SAMMSON: variants seen among roughly 807,000 people sequenced by gnomAD.
SAMMSON encodes the protein survival associated mitochondrial melanoma specific oncogenic non-coding RNA, also known as long intergenic non-protein coding RNA 1212.
intron 4 of SAMMSON, among the ~76,000 whole-genome samples, chr3:70,134,562 A>G (rs1285243254): frequency 6.6e-6 from 1 of 152,282 alleles, no homozygotes; most frequent in African/African-American, 2.4e-5. Flanking sequence ...CTTAACTTGC[A>G]TGCTTTACAT....
chr3:70,153,719 A>C (rs1005026737), intron 4 of SAMMSON, among the ~76,000 whole-genome samples: 1 of 152,014 alleles, frequency 6.6e-6, no homozygotes, highest in Non-Finnish European at 1.5e-5. Flanking sequence ...TCATAATATA[A>C]AGCATACCGT....
intron 4 of SAMMSON, among the ~76,000 whole-genome samples, chr3:70,139,191 C>T (rs982837524): frequency 1.3e-5 from 2 of 152,004 alleles, no homozygotes; most frequent in Non-Finnish European, 2.9e-5. Context: ...CACATGACAC[C>T]ACACCCAGAT....
intron 4 of SAMMSON, among the ~76,000 whole-genome samples, chr3:70,163,877 A>C (rs1352546173): frequency 2.6e-5 from 4 of 152,082 alleles, no homozygotes; most frequent in Non-Finnish European, 5.9e-5. Context: ...CACTAGGTTT[A>C]CTTGTGAATG....
chr3:70,308,037 A>C (rs1702419696), intron 7 of SAMMSON, among the ~76,000 whole-genome samples: 1 of 152,036 alleles, frequency 6.6e-6, no homozygotes, highest in South Asian at 2.1e-4. Context: ...AATGCAGCTC[A>C]TCCTGCCTGG....
chr3:70,311,723 C>G (rs1001873945), intron 7 of SAMMSON, among the ~76,000 whole-genome samples: 1 of 151,798 alleles, frequency 6.6e-6, no homozygotes, highest in Admixed American at 6.6e-5. Context: ...CAAACAACCA[C>G]TTAGGCCACA....
At chr3:70,395,317 TTCTC>T (rs1262870405) in intron 2 of SAMMSON, among the ~76,000 whole-genome samples, 26 of 144,726 alleles carry the variant, frequency 1.8e-4, no homozygotes, top group African/African-American at 4.1e-4. Flanking sequence ...TCTCCTCTCC[TTCTC>T]TCTCTCTCTC....
At chr3:70,039,017 T>G (rs1246911957) in intron 3 of SAMMSON, among the ~76,000 whole-genome samples, 1 of 152,088 alleles carries the variant, frequency 6.6e-6, no homozygotes, top group Non-Finnish European at 1.5e-5. Flanking sequence ...TTATATGTGA[T>G]TTTTGAGCAA....
intron 9 of SAMMSON, among the ~76,000 whole-genome samples, chr3:70,363,795 A>G (rs933045225): frequency 2.6e-4 from 22 of 84,010 alleles, no homozygotes; most frequent in African/African-American, 3.8e-4. Context: ...GTGTTATTGC[A>G]TTGTCTGTGT....
At chr3:70,184,800 C>G (rs1209827992) in intron 4 of SAMMSON, among the ~76,000 whole-genome samples, 5 of 152,134 alleles carry the variant, frequency 3.3e-5, no homozygotes, top group Non-Finnish European at 5.9e-5. Flanking sequence ...AATCCTGAAA[C>G]AGAAGGCAAA....
At chr3:70,206,731 T>G (rs1429165296) in intron 4 of SAMMSON, 7 of 397,758 alleles carry the variant, frequency 1.8e-5, no homozygotes, top group Non-Finnish European at 3.1e-5. Context: ...GATACTGAAT[T>G]TATAACAATA....
chr3:70,189,365 T>G (rs574190638), intron 4 of SAMMSON, among the ~76,000 whole-genome samples: 5 of 152,322 alleles, frequency 3.3e-5, no homozygotes, highest in African/African-American at 1.2e-4. Context: ...ATATATACAC[T>G]AAGTTCTAAG....
At chr3:70,390,656 A>T (rs2097469148), downstream of SAMMSON, among the ~76,000 whole-genome samples, 1 of 152,100 alleles carries the variant, frequency 6.6e-6, no homozygotes, top group Non-Finnish European at 1.5e-5. Flanking sequence ...TGAGGGATCC[A>T]TCCCCATGAC....
chr3:70,278,539 ACT>A (rs1331052042), intron 6 of SAMMSON, among the ~76,000 whole-genome samples: 8 of 152,154 alleles, frequency 5.3e-5, no homozygotes, highest in Admixed American at 5.2e-4. Flanking sequence ...GAGTTCAGTC[ACT>A]CTGTGCTGTT....
intron 2 of SAMMSON, among the ~76,000 whole-genome samples, chr3:70,428,369 A>G (rs995926090): frequency 2.6e-5 from 4 of 152,196 alleles, no homozygotes; most frequent in African/African-American, 9.6e-5. Flanking sequence ...ATGTTATAGA[A>G]TTGGCTTCAA....
At chr3:70,067,269 T>C (rs1273517363) in intron 3 of SAMMSON, among the ~76,000 whole-genome samples, 1 of 152,128 alleles carries the variant, frequency 6.6e-6, no homozygotes, top group Non-Finnish European at 1.5e-5. Context: ...AGAACACTTT[T>C]AACTGTAAAA....
intron 9 of SAMMSON, among the ~76,000 whole-genome samples, chr3:70,378,464 G>T (rs1441893626): frequency 2.0e-5 from 3 of 151,942 alleles, no homozygotes; most frequent in Non-Finnish European, 4.4e-5. Flanking sequence ...GATGAGGAAG[G>T]GTAAAAACCT....
chr3:70,428,383 A>G (rs1419408563), intron 2 of SAMMSON, among the ~76,000 whole-genome samples: 1 of 152,240 alleles, frequency 6.6e-6, no homozygotes, highest in Non-Finnish European at 1.5e-5. Context: ...GCTTCAAGAT[A>G]GACATGTAAA....
At chr3:70,248,131 A>T (rs1701726095) in intron 4 of SAMMSON, among the ~76,000 whole-genome samples, 1 of 152,066 alleles carries the variant, frequency 6.6e-6, no homozygotes, top group Middle Eastern at 3.2e-3. Flanking sequence ...AATGAACCAT[A>T]TTATTCTCTG....
chr3:70,384,836 T>TAGAG (rs1703107322), intron 9 of SAMMSON, among the ~76,000 whole-genome samples: 1 of 152,088 alleles, frequency 6.6e-6, no homozygotes, highest in Non-Finnish European at 1.5e-5. Flanking sequence ...TGTTATCCAA[T>TAGAG]AGAGCTTTCT....
Sources: gnomAD v4.1 joint callset for allele counts (sites outside exome capture counted in the v4.1 genomes callset) on GRCh38, gnomAD v4.1.1 for gene constraint, MANE v1.5 for transcripts, NCBI Gene and HGNC (gene_info 2026-07-23, HGNC 2026-07-21) for gene names.